CNTNAP2: variants seen among roughly 807,000 people sequenced by gnomAD.
CNTNAP2 encodes the protein contactin associated protein 2, also known as contactin-associated protein-like 2.
Under a neutral mutation model 155.2 loss-of-function variants are expected in CNTNAP2, and 98 were observed. That is an observed-to-expected ratio of 0.63 (90% confidence interval 0.54 to 0.75). CNTNAP2 has a LOEUF of 0.75. Ranked by LOEUF, CNTNAP2 falls within the 30% of genes least tolerant of loss-of-function variation. The pLI, the probability that CNTNAP2 is intolerant of heterozygous loss-of-function variation, is 0.00. For synonymous variants in CNTNAP2, 651 were observed against 631.2 expected (o/e 1.03, Z -0.47); for missense variants, 1,727 against 1,688.1 (o/e 1.02, Z -0.40).
chr7:148,256,451 G>T (rs1796454932), intron 20 of CNTNAP2, among the ~76,000 whole-genome samples: 2 of 152,066 alleles, frequency 1.3e-5, no homozygotes, highest in Admixed American at 1.3e-4. Flanking sequence ...TTTAACACGT[G>T]GCAGAGCCAG....
chr7:147,032,454 A>T (rs1318673502), intron 3 of CNTNAP2, among the ~76,000 whole-genome samples: 1 of 152,182 alleles, frequency 6.6e-6, no homozygotes, highest in Non-Finnish European at 1.5e-5. Flanking sequence ...TCCTAAGTTC[A>T]TTCCTATATG....
intron 8 of CNTNAP2, among the ~76,000 whole-genome samples, chr7:147,222,306 A>C (rs1803419072): frequency 1.3e-5 from 2 of 150,654 alleles, no homozygotes; most frequent in South Asian, 4.2e-4. Flanking sequence ...TCAATTTTGG[A>C]GGTTTCTATT....
intron 3 of CNTNAP2, among the ~76,000 whole-genome samples, chr7:146,905,002 T>C (rs1274458102): frequency 6.6e-6 from 1 of 152,176 alleles, no homozygotes; most frequent in Non-Finnish European, 1.5e-5. Flanking sequence ...AGCCTAGTGT[T>C]CCTCAACCTC....
intron 1 of CNTNAP2, among the ~76,000 whole-genome samples, chr7:146,345,775 A>T (rs1301577208): frequency 6.6e-6 from 1 of 152,210 alleles, no homozygotes; most frequent in Non-Finnish European, 1.5e-5. Context: ...ATTTTGCTTT[A>T]GACACTAACA....
intron 13 of CNTNAP2, among the ~76,000 whole-genome samples, chr7:147,752,213 C>G (rs1485052671): frequency 6.6e-6 from 1 of 152,176 alleles, no homozygotes; most frequent in African/African-American, 2.4e-5. Flanking sequence ...ATATTATTGA[C>G]TCACATAACA....
At chr7:147,340,977 T>C (rs149296138) in intron 9 of CNTNAP2, among the ~76,000 whole-genome samples, 1 of 152,082 alleles carries the variant, frequency 6.6e-6, no homozygotes, top group Admixed American at 6.6e-5. Flanking sequence ...CCCTCTAGGA[T>C]TCCATAAGAA....
intron 8 of CNTNAP2, among the ~76,000 whole-genome samples, chr7:147,145,318 T>C (rs1398971511): frequency 6.6e-6 from 1 of 152,136 alleles, no homozygotes; most frequent in Admixed American, 6.5e-5. Flanking sequence ...CCTGGAGACA[T>C]TGTTGGTTGT....
At chr7:148,307,791 A>C (rs370644302) in intron 21 of CNTNAP2, among the ~76,000 whole-genome samples, 9 of 152,158 alleles carry the variant, frequency 5.9e-5, no homozygotes, top group African/African-American at 2.2e-4. Context: ...AACATGACAA[A>C]ACCCACCCAT....
At chr7:146,923,396 A>G (rs940974587) in intron 3 of CNTNAP2, among the ~76,000 whole-genome samples, 4 of 152,160 alleles carry the variant, frequency 2.6e-5, no homozygotes, top group Non-Finnish European at 5.9e-5. Context: ...TACAGCATTC[A>G]CTACTTTAGA....
intron 22 of CNTNAP2, among the ~76,000 whole-genome samples, chr7:148,391,745 G>A (rs2116679822): frequency 6.6e-6 from 1 of 152,248 alleles, no homozygotes; most frequent in South Asian, 2.1e-4. Context: ...AAAAGGATTT[G>A]CCAGCAGGAA....
intron 1 of CNTNAP2, among the ~76,000 whole-genome samples, chr7:146,287,558 A>C (rs1459396053): frequency 6.6e-6 from 1 of 152,078 alleles, no homozygotes; most frequent in Non-Finnish European, 1.5e-5. Context: ...TCAGGAAAAA[A>C]CTGAATGCTT....
chr7:147,189,988 C>T (rs1294291397), intron 8 of CNTNAP2, among the ~76,000 whole-genome samples: 1 of 152,170 alleles, frequency 6.6e-6, no homozygotes, highest in Non-Finnish European at 1.5e-5. Context: ...TCGTGATCCA[C>T]CCGCCTCGGC....
chr7:146,800,514 G>A (rs1465416388), intron 2 of CNTNAP2, among the ~76,000 whole-genome samples: 2 of 152,132 alleles, frequency 1.3e-5, no homozygotes, highest in Admixed American at 1.3e-4. Context: ...TAGCTGCAAG[G>A]GAAGCTGAGA....
chr7:147,978,098 C>CAGGAG, intron 15 of CNTNAP2, 109 bp downstream of exon 15: 1 of 1,412,420 alleles, frequency 7.1e-7, no homozygotes, highest in Non-Finnish European at 9.7e-7. Context: ...GTAGCTCCTA[C>CAGGAG]AGAAACATCA....
chr7:146,722,973 C>G (rs1801365069), intron 1 of CNTNAP2, among the ~76,000 whole-genome samples: 1 of 152,016 alleles, frequency 6.6e-6, no homozygotes, highest in African/African-American at 2.4e-5. Context: ...CAAGATTGTG[C>G]CACTGCACTC....
intron 1 of CNTNAP2, among the ~76,000 whole-genome samples, chr7:146,341,201 A>G (rs1380690689): frequency 1.3e-5 from 2 of 152,186 alleles, no homozygotes. Context: ...CAATTTTTAC[A>G]GAATGATCAG....
intron 1 of CNTNAP2, among the ~76,000 whole-genome samples, chr7:146,370,086 TTTG>T (rs1795212486): frequency 6.6e-6 from 1 of 151,574 alleles, no homozygotes. Context: ...TTCTTCCAGA[TTTG>T]TTATCTAGTT....
At chr7:146,543,657 C>A (rs1797987486) in intron 1 of CNTNAP2, among the ~76,000 whole-genome samples, 2 of 151,970 alleles carry the variant, frequency 1.3e-5, no homozygotes, top group Non-Finnish European at 2.9e-5. Flanking sequence ...TAGTTGATGG[C>A]ATAGTTGTGA....
At chr7:147,070,595 A>G (rs1417371385) in intron 4 of CNTNAP2, among the ~76,000 whole-genome samples, 1 of 152,182 alleles carries the variant, frequency 6.6e-6, no homozygotes, top group Non-Finnish European at 1.5e-5. Context: ...TGATTTCTAT[A>G]TAGCCTACCT....
Sources: allele counts gnomAD v4.1 joint callset (sites outside exome capture counted in the v4.1 genomes callset), GRCh38; gene constraint gnomAD v4.1.1; transcripts MANE v1.5; gene names NCBI Gene and HGNC (gene_info 2026-07-23, HGNC 2026-07-21).